Variants in DUOX1 observed in about 807,000 individuals in gnomAD.
DUOX1 encodes the protein NADPH thyroid oxidase 1.
DUOX1 carries 134 observed loss-of-function variants against 181.8 expected under a neutral mutation model. That is an observed-to-expected ratio of 0.74 (90% CI 0.64 to 0.85). The LOEUF is 0.85. Ranked by LOEUF, DUOX1 falls within the 40% of genes least tolerant of loss-of-function variation. The pLI, the probability that DUOX1 is intolerant of heterozygous loss-of-function variation, is 0.00. For missense variants in DUOX1, 1,814 were observed against 2,064.4 expected, an observed-to-expected ratio of 0.88 and a Z score of 2.35; for synonymous variants, 798 against 832.5, an observed-to-expected ratio of 0.96 and a Z score of 0.71.
At chr15:45,130,429 C>T (rs558594037) in intron 1 of DUOX1, among the ~76,000 whole-genome samples, 12 of 152,302 alleles carry the variant, frequency 7.9e-5, no homozygotes, top group Non-Finnish European at 1.6e-4. Context: ...CTTTCCCCCT[C>T]AGCCCTCCCT....
At position 45,150,671 on chromosome 15, in the gene DUOX1, G is replaced by T; in HGVS notation, c.2858G>T (p.Arg953Leu). The change falls in exon 22 of 34, where the codon CGA becomes CTA. Residue 953 changes from arginine to leucine, a missense_variant. Physicochemically the swap from Arg to Leu is moderately radical, Grantham distance 102 (BLOSUM62 -2). This residue lies in a region of DUOX1 where 1,064 missense variants were observed against 1,152.9 expected (regional missense o/e 0.92). Transcript: ENST00000389037. ...VPEVIKDLCR[R>L]ASYISQDMIC... ...GAAGTCATCAAGGACCTCTGCCGGC[G>T]AGCCTCCTACATCAGCCAGGATATG... 1 of 1,614,048 alleles carries T rather than the reference G, an allele frequency of 6.2e-7. No homozygotes were observed. The highest frequency in any genetic ancestry group is 1.1e-5 in the South Asian group (1 of 91,074).
rs1361090451 is a variant in DUOX1, at chr15:45,133,957, A to G, written c.142+10A>G. On this transcript the variant is annotated intron_variant, in intron 3 of 33. Coordinates refer to ENST00000389037, the MANE Select transcript of DUOX1 (RefSeq NM_175940.3). ...AGATGGGGCAGCAAAGGTAAGTGAG[A>G]GCCAAGTGGGGATAGAACCCCAGGG... 6.2e-7 allele frequency: 1 copy of G among 1,613,638 alleles called. No individual in the cohort carries two copies. Among genetic ancestry groups the G allele is most frequent in the Admixed American group, 1.7e-5 (1 of 59,976 alleles).
chr15:45,141,751 CGTGTGTGTGTGTGTGTGT>C (rs5812287), intron 14 of DUOX1, among the ~76,000 whole-genome samples: 6 of 148,588 alleles, frequency 4.0e-5, no homozygotes, highest in African/African-American at 2.5e-5. Flanking sequence ...GTGAGGGAAG[CGTGTGTGTGTGTGTGTGT>C]GTGTGTGTGT....
At position 45,150,683 on chromosome 15, in the gene DUOX1, T is replaced by C; in HGVS notation, c.2870T>C (p.Ile957Thr). ...IKDLCRRASY[I>T]SQDMICPSPR... The stretch of plus-strand genomic sequence containing the variant: ...GACCTCTGCCGGCGAGCCTCCTACA[T>C]CAGCCAGGATATGATCTGGTGAGCA... Residue 957 changes from isoleucine (I) to threonine (T), a missense_variant, in exon 22 of 34, where the codon ATC becomes ACC. Ile to Thr is a moderately conservative substitution (Grantham distance 89, BLOSUM62 -1). This residue lies in a region of DUOX1 where 1,064 missense variants were observed against 1,152.9 expected (regional missense o/e 0.92). Coordinates refer to ENST00000389037, the MANE Select transcript of DUOX1 (RefSeq NM_175940.3). 1 of 1,613,696 alleles carries C rather than the reference T, an allele frequency of 6.2e-7. No individual in the cohort carries two copies. Among genetic ancestry groups the C allele is most frequent in the Non-Finnish European group, 8.5e-7 (1 of 1,179,872 alleles).
chr15:45,153,219 T>TAA (rs71114313), intron 25 of DUOX1, 161 bp from the exon 26 acceptor site: 4,273 of 199,590 alleles, frequency 0.021, 87 homozygotes, highest in Admixed American at 0.026. Flanking sequence ...AGACTCCATC[T>TAA]AAAAAAAAAA....
chr15:45,158,574 C>T (rs748642703), intron 28 of DUOX1, among the ~76,000 whole-genome samples: 4 of 151,740 alleles, frequency 2.6e-5, no homozygotes, highest in East Asian at 1.9e-4. Context: ...TGGTGGCATG[C>T]GCCTCTAATC....
chr15:45,155,504 T>G (rs1896948309), intron 27 of DUOX1: 2 of 308,586 alleles, frequency 6.5e-6, no homozygotes, highest in Non-Finnish European at 1.2e-5. Context: ...AGGCAGAGGT[T>G]GCAGTGAGCC....
intron 4 of DUOX1, among the ~76,000 whole-genome samples, 185 bp from the exon 5 acceptor site, chr15:45,134,919 G>C (rs1428975210): frequency 6.6e-6 from 1 of 152,218 alleles, no homozygotes; most frequent in Admixed American, 6.5e-5. Context: ...TGGATCAGGT[G>C]TAGGCACAGA....
rs745987141 is a variant in DUOX1, at chr15:45,139,119, C to T, written c.1167C>T (p.Ala389=). The T allele has an allele frequency of 6.2e-7, 1 of 1,614,066 alleles. No homozygotes were observed. The highest frequency in any genetic ancestry group is 1.7e-5 in the Admixed American group (1 of 60,008). The change falls in exon 11 of 34, where the codon GCC becomes GCT. Residue 389 remains alanine, a synonymous_variant. Transcript: ENST00000389037. ...EDVDALLLGM[A]SQIAEREDHV... ...TGGATGCACTGCTGCTGGGCATGGCCTCCCAGATCGCAGAGCGAGAGGACC... is the reference window on the plus strand; with the variant it reads ...TGGATGCACTGCTGCTGGGCATGGCTTCCCAGATCGCAGAGCGAGAGGACC...
Position 45,143,230 on chromosome 15 carries a change from G to C in DUOX1, c.1863G>C (p.Met621Ile). The change falls in exon 16 of 34, where the codon ATG becomes ATC. Residue 621 changes from methionine (M) to isoleucine (I), a missense_variant. Physicochemically the swap from Met to Ile is conservative, Grantham distance 10. Around this residue, in one of 5 missense-constraint regions of DUOX1, gnomAD observed 1,064 missense variants for 1,152.9 expected, o/e 0.92. Coordinates refer to ENST00000389037, the MANE Select transcript of DUOX1 (RefSeq NM_175940.3). ...LSAWIVARLR[M>I]RNFKRLQGQD... Reference sequence around the variant, plus strand: ...CCTGGATTGTTGCCCGGCTCCGGATGAGAAATTTCAAGAGGCTCCAGGGCC... The same window carrying C: ...CCTGGATTGTTGCCCGGCTCCGGATCAGAAATTTCAAGAGGCTCCAGGGCC... 6.2e-7 allele frequency: 1 copy of C among 1,614,152 alleles called. No homozygotes were observed. The highest frequency in any genetic ancestry group is 8.5e-7 in the Non-Finnish European group (1 of 1,180,022).
In DUOX1 at chr15:45,152,335, G is replaced by A. The variant is rs144994519; in HGVS notation, c.3243G>A (p.Val1081=). Residue 1081 remains valine (V), a synonymous_variant, in exon 25 of 34, where the codon GTG becomes GTA. Transcript: ENST00000389037. ...HHTGITDTTR[V]GIILSRGTAA... ...CGGGCATCACAGACACCACCCGCGT[G>A]GGAATCATCCTGTCGCGGGGCACAG... 1.1e-5 allele frequency: 17 copies of A among 1,614,082 alleles called. No homozygotes were observed. The African/African-American group carries it at 2.0e-4, about 19-fold the overall frequency.
rs1204129883 is a variant in DUOX1 at position 45,148,331 on chromosome 15, A to G, written c.2702A>G (p.Glu901Gly). The G allele has an allele frequency of 6.2e-7, 1 of 1,614,218 alleles. No individual in the cohort carries two copies. Among genetic ancestry groups the G allele is most frequent in the Non-Finnish European group, 8.5e-7 (1 of 1,180,036 alleles). ...AAGGCCCAGCTGGCTGAGGTGGTGG[A>G]GTCCATGTTCCGGGAGTCGGGATTC... ...LSKAQLAEVVESMFRESGFQD... is the reference protein window; with the variant it reads ...LSKAQLAEVVGSMFRESGFQD... The change falls in exon 21 of 34, where the codon GAG becomes GGG. Residue 901 changes from glutamate (E) to glycine (G), a missense_variant. Physicochemically the swap from Glu to Gly is moderately conservative, Grantham distance 98. Coordinates refer to ENST00000389037, the MANE Select transcript of DUOX1 (RefSeq NM_175940.3).
chr15:45,143,950 C>T, intron 16 of DUOX1, 86 bp from the exon 17 acceptor site: 1 of 1,369,752 alleles, frequency 7.3e-7, no homozygotes. Flanking sequence ...AGGCCTTGAT[C>T]TAATTTCAGC....
In DUOX1 at chr15:45,135,594, C is replaced by T; in HGVS notation, c.616C>T (p.Pro206Ser). 6.4e-7 allele frequency: 1 copy of T among 1,564,636 alleles called. No homozygotes were observed. The highest frequency in any genetic ancestry group is 8.7e-7 in the Non-Finnish European group (1 of 1,155,814). Residue 206 changes from proline (P) to serine (S), a missense_variant, in exon 6 of 34, where the codon CCC (proline) becomes TCC (serine). This residue lies in a region of DUOX1 where 320 missense variants were observed against 313.1 expected (regional missense o/e 1.02). Coordinates refer to ENST00000389037, the MANE Select transcript of DUOX1 (RefSeq NM_175940.3). ...QLASGPDPAF[P>S]RDSQNPLLMW... ...GGCGTCGGGGCCCGACCCCGCTTTT[C>T]CCCGAGACTCGCAGAACCCCCTGCT...
At chr15:45,157,399 T>C (rs1204628888) in intron 28 of DUOX1, among the ~76,000 whole-genome samples, 2 of 152,276 alleles carry the variant, frequency 1.3e-5, no homozygotes, top group Non-Finnish European at 2.9e-5. Context: ...TACTTTGAAC[T>C]AGATGAGAGA....
rs760112060 is a variant in DUOX1 at position 45,164,839 on chromosome 15, G to C, written c.4594G>C (p.Ala1532Pro). The stretch of plus-strand genomic sequence containing the variant: ...TGGCATGACCAAGAATGTGGAAAAG[G>C]CCTGTCAGCTCATCAACAGGCAGGA... ...PPGMTKNVEK[A>P]CQLINRQDRT... Residue 1532 changes from alanine (A) to proline (P), a missense_variant, in exon 34 of 34, where the codon GCC (alanine) becomes CCC (proline). By Grantham distance (27) the Ala-to-Pro change is conservative. Coordinates refer to ENST00000389037, the MANE Select transcript of DUOX1 (RefSeq NM_175940.3). 1 of 1,614,102 alleles carries C rather than the reference G, an allele frequency of 6.2e-7. No homozygotes were observed. Among genetic ancestry groups the C allele is most frequent in the Admixed American group, 1.7e-5 (1 of 60,026 alleles).
At position 45,131,758 on chromosome 15, in the gene DUOX1, C is replaced by G. The variant is rs142893265; in HGVS notation, c.-49-160C>G. The stretch of plus-strand genomic sequence containing the variant: ...GTAGTGGTGCTCATGAAGTATTTGC[C>G]GAATCAATTAAAGAATTTTCGGAAA... On this transcript the variant is annotated intron_variant, in intron 1 of 33. Transcript: ENST00000389037. 5.0e-6 allele frequency: 3 copies of G among 598,700 alleles called. No individual in the cohort carries two copies. The South Asian group carries it at 6.0e-5, about 12-fold the overall frequency. The allele number at this position is 598,700 out of a possible 1,614,324, so 37.1% of individuals were successfully genotyped here. A position where few individuals can be genotyped will look rare whatever the true frequency, so the allele number is the denominator to read the frequency against.
At chr15:45,164,310 T>A (rs1043140111) in intron 33 of DUOX1, among the ~76,000 whole-genome samples, 1 of 152,162 alleles carries the variant, frequency 6.6e-6, no homozygotes, top group African/African-American at 2.4e-5. Flanking sequence ...TAGCCCTCCA[T>A]GAGACCCTGA....
At chr15:45,139,337 C>A in intron 11 of DUOX1, 90 bp from the exon 12 acceptor site, 1 of 1,587,736 alleles carries the variant, frequency 6.3e-7, no homozygotes, top group South Asian at 1.1e-5. Context: ...TGGCTCAAGT[C>A]TCCTGGGGCT....
Sources: gnomAD v4.1 joint callset for allele counts (sites outside exome capture counted in the v4.1 genomes callset) on GRCh38, gnomAD v4.1.1 for gene constraint, gnomAD v4.1.1 regional missense constraint, MANE v1.5 for transcripts, NCBI Gene and HGNC (gene_info 2026-07-23, HGNC 2026-07-21) for gene names.